Variants in ZC3H12B observed in about 807,000 individuals in gnomAD.
ZC3H12B encodes the protein zinc finger CCCH-type containing 12B, also known as probable ribonuclease ZC3H12B.
In ZC3H12B, 7 loss-of-function variants were observed where a neutral mutation model predicts 43.9. That is an observed-to-expected ratio of 0.16 (90% confidence interval 0.09 to 0.30). The LOEUF (loss-of-function observed/expected upper bound fraction) is 0.30, where lower values mean the gene tolerates loss of function less well. Ranked by LOEUF, ZC3H12B falls within the 10% of genes least tolerant of loss-of-function variation. ZC3H12B has a pLI of 1.00. For synonymous variants in ZC3H12B, 222 were observed against 241.7 expected (o/e 0.92, Z 0.76); for missense variants, 475 against 670.2 (o/e 0.71, Z 3.22).
the ZC3H12B span, among the ~76,000 whole-genome samples, chrX:65,223,447 A>G: frequency 8.9e-6 from 1 of 112,744 alleles, no homozygotes; most frequent in Non-Finnish European, 1.9e-5. Context: ...CCAAAAGTAA[A>G]TGCAACAAAG....
intron 3 of ZC3H12B, among the ~76,000 whole-genome samples, chrX:65,406,554 G>C (rs1372788817): frequency 1.2e-5 from 1 of 84,873 alleles, no homozygotes; most frequent in African/African-American, 6.3e-5. Context: ...TCCCCCGCCC[G>C]ATCGGGGCTG....
At chrX:65,409,328 C>T (rs2066875111) in intron 3 of ZC3H12B, among the ~76,000 whole-genome samples, 1 of 110,862 alleles carries the variant, frequency 9.0e-6, no homozygotes, top group Non-Finnish European at 1.9e-5. Flanking sequence ...GACAGCTCCA[C>T]AGCAAGTATC....
intron 3 of ZC3H12B, among the ~76,000 whole-genome samples, chrX:65,443,595 G>C (rs1393886266): frequency 8.9e-6 from 1 of 112,548 alleles, no homozygotes; most frequent in Non-Finnish European, 1.9e-5. Context: ...GAAAGGATGG[G>C]CCAAATTAAT....
the ZC3H12B span, among the ~76,000 whole-genome samples, chrX:65,211,964 A>G: frequency 1.4e-5 from 1 of 71,008 alleles, no homozygotes; most frequent in African/African-American, 6.0e-5. Context: ...TATATAATAT[A>G]TGTTATGTAT....
rs965885859 is a variant in ZC3H12B at position 65,468,390 on chromosome X, T to A, written n.408-20256T>A. Among the ~76,000 whole-genome samples, 3 of 111,727 alleles carry A rather than the reference T, an allele frequency of 2.7e-5. No individual in the cohort carries two copies. In the Admixed American group the frequency reaches 2.9e-4, roughly 11 times the overall value. On this transcript the variant is annotated intron_variant and non_coding_transcript_variant, in intron 3 of 5. Coordinates refer to the ZC3H12B transcript ENST00000617377. ...AGTAATTTGAAGTCAGATAATGTGA[T>A]GCTTCCAGATTTGTTCTTTTTGCTT...
chrX:65,130,291 G>A, the ZC3H12B span, among the ~76,000 whole-genome samples: 2 of 111,122 alleles, frequency 1.8e-5, no homozygotes, highest in Non-Finnish European at 3.8e-5. Context: ...TTAAAAGTGG[G>A]CCCGTTATTG....
the ZC3H12B span, among the ~76,000 whole-genome samples, chrX:65,153,794 G>A: frequency 2.7e-5 from 3 of 111,042 alleles, no homozygotes; most frequent in Admixed American, 1.9e-4. Context: ...TGTTTATTGT[G>A]GCACTATTCA....
chrX:65,505,817 C>T (rs901542478), exon 5 of ZC3H12B: 1 of 112,510 alleles, frequency 8.9e-6, no homozygotes, highest in African/African-American at 3.2e-5. Context: ...TAAGCTCCTC[C>T]CAATACAGAA....
chrX:65,056,736 T>A, the ZC3H12B span, among the ~76,000 whole-genome samples: 1 of 111,620 alleles, frequency 9.0e-6, no homozygotes, highest in Non-Finnish European at 1.9e-5. Context: ...AATCTCTTTC[T>A]AGGTGTCTAA....
At chrX:65,325,300 G>T in the ZC3H12B span, among the ~76,000 whole-genome samples, 1 of 111,383 alleles carries the variant, frequency 9.0e-6, no homozygotes, top group Non-Finnish European at 1.9e-5. Flanking sequence ...GAGAAAGAAA[G>T]ATGTAAAACT....
the ZC3H12B span, among the ~76,000 whole-genome samples, chrX:65,211,567 C>A: frequency 9.9e-6 from 1 of 101,279 alleles, no homozygotes; most frequent in Non-Finnish European, 2.0e-5. Flanking sequence ...TTAACTTGCT[C>A]AAAGTCATAC....
the ZC3H12B span, among the ~76,000 whole-genome samples, chrX:65,347,562 T>C: frequency 2.4e-4 from 27 of 111,699 alleles, no homozygotes; most frequent in African/African-American, 8.1e-4. Context: ...GTTAGAATGG[T>C]GATCATTAAA....
At chrX:65,065,356 G>T in the ZC3H12B span, among the ~76,000 whole-genome samples, 5 of 111,593 alleles carry the variant, frequency 4.5e-5, no homozygotes, top group Admixed American at 2.9e-4. Context: ...AAATCTCTCA[G>T]CATTTGCTTG....
At chrX:65,297,906 C>T in the ZC3H12B span, among the ~76,000 whole-genome samples, 4 of 111,650 alleles carry the variant, frequency 3.6e-5, no homozygotes, top group East Asian at 5.6e-4. Context: ...AAAGGACACC[C>T]TATTCAGCAA....
the ZC3H12B span, chrX:65,272,975 C>A: frequency 8.9e-6 from 1 of 112,266 alleles, no homozygotes; most frequent in Non-Finnish European, 1.9e-5. Context: ...ACTTTAGCAA[C>A]TGAAAGTCTC....
At chrX:65,185,189 G>GTA in the ZC3H12B span, 2 of 111,579 alleles carry the variant, frequency 1.8e-5, no homozygotes, top group African/African-American at 6.5e-5. Flanking sequence ...GATATGGACG[G>GTA]TATACAATCT....
the ZC3H12B span, among the ~76,000 whole-genome samples, chrX:65,055,537 C>G: frequency 9.0e-6 from 1 of 111,632 alleles, no homozygotes; most frequent in African/African-American, 3.3e-5. Context: ...GAATATTGGT[C>G]TAAAATTCTC....
chrX:65,103,454 T>C, the ZC3H12B span, among the ~76,000 whole-genome samples: 1 of 111,770 alleles, frequency 8.9e-6, no homozygotes, highest in African/African-American at 3.3e-5. Flanking sequence ...ACAAACAATT[T>C]GTGCAGTTAA....
chrX:65,275,863 G>A, the ZC3H12B span, among the ~76,000 whole-genome samples: 85 of 111,618 alleles, frequency 7.6e-4, no homozygotes, highest in Non-Finnish European at 2.3e-4. Context: ...AAATATACAC[G>A]ATTTCAGAAA....
Sources: gnomAD v4.1 joint callset for allele counts (sites outside exome capture counted in the v4.1 genomes callset) on GRCh38, gnomAD v4.1.1 for gene constraint, MANE v1.5 for transcripts, NCBI Gene and HGNC (gene_info 2026-07-23, HGNC 2026-07-21) for gene names.